FBN3: variants seen among roughly 807,000 people sequenced by gnomAD.
The protein encoded by FBN3 is fibrillin 3, also known as fibrillin-3.
In FBN3, 234 loss-of-function variants were observed where a neutral mutation model predicts 330.1. That is an observed-to-expected ratio of 0.71 (90% CI 0.64 to 0.79). The LOEUF (loss-of-function observed/expected upper bound fraction) is 0.79. Ranked by LOEUF, FBN3 falls within the 30% of genes least tolerant of loss-of-function variation. The pLI is 0.00. For missense variants in FBN3, 3,606 were observed against 3,886.9 expected, an observed-to-expected ratio of 0.93 and a Z score of 1.92; for synonymous variants, 1,458 against 1,517.3, an observed-to-expected ratio of 0.96 and a Z score of 0.91.
intron 47 of FBN3, among the ~76,000 whole-genome samples, chr19:8,092,247 AC>A (rs2082113277): frequency 1.3e-5 from 2 of 152,010 alleles, no homozygotes; most frequent in South Asian, 4.1e-4. Flanking sequence ...CTGGGTATCT[AC>A]CCAAAGGAAA....
Position 8,126,687 on chromosome 19 carries a change from C to T in FBN3, c.2416+26G>A, listed in dbSNP as rs28574675. ...ACCCATAGACGCCCAGCCTCTGGAA[C>T]GCCGTCGGGCTCCGGGGCCGCTCAC... is the stretch of plus-strand genomic sequence containing the variant. On this transcript the variant is annotated intron_variant, in intron 19 of 63. Transcript: ENST00000600128. 22,145 of 1,581,560 alleles carry T rather than the reference C, an allele frequency of 0.014. 1,742 individuals carry two copies. The African/African-American group carries it at 0.21, about 15-fold the overall frequency.
At chr19:8,081,334 G>T (rs369858743) in intron 58 of FBN3, 24 bp downstream of exon 58, 5 of 1,581,588 alleles carry the variant, frequency 3.2e-6, no homozygotes, top group South Asian at 1.2e-5. Context: ...TGGTGGGAGT[G>T]GGGGAGAGTT....
At chr19:8,119,973 A>G (rs1281734859) in intron 25 of FBN3, among the ~76,000 whole-genome samples, 1 of 150,968 alleles carries the variant, frequency 6.6e-6, no homozygotes, top group East Asian at 1.9e-4. Flanking sequence ...GGCAGGCACC[A>G]CCATGCCCGG....
chr19:8,109,318 C>G lies in FBN3; in HGVS notation c.4527G>C (p.Glu1509Asp). The change falls in exon 36 of 64, where the codon GAG becomes GAC. Residue 1509 changes from glutamate (E) to aspartate (D), a missense_variant. Transcript: ENST00000600128. The surrounding 1 kb of genome is among the most constrained non-coding windows in gnomAD (Gnocchi z 5.2). Reference protein sequence around the residue: ...RGDSGISCSAEIGVGVTRASC... With the variant: ...RGDSGISCSADIGVGVTRASC... ...AAGCTCGGGTGACACCAACTCCGAT[C>G]TCGGCACTGCAGGAAATGCCACTGT... 1 of 1,614,236 alleles carries G rather than the reference C, an allele frequency of 6.2e-7. No individual in the cohort carries two copies. The highest frequency in any genetic ancestry group is 8.5e-7 in the Non-Finnish European group (1 of 1,180,050).
rs777134609 is a variant in FBN3 at position 8,146,124 on chromosome 19, C to T, written c.349+3G>A. On this transcript the variant is annotated splice_donor_region_variant and intron_variant, in intron 4 of 63. Transcript: ENST00000600128. ...CTCCCGCAAGAGGCCGCTTCCCGCT[C>T]ACCTCGGCTCACCCCGCAGCTGGGA... is the stretch of plus-strand genomic sequence containing the variant. 6.3e-7 allele frequency: 1 copy of T among 1,585,676 alleles called. No individual in the cohort carries two copies.
At position 8,108,189 on chromosome 19, in the gene FBN3, G is replaced by T; in HGVS notation, c.4668C>A (p.Arg1556=). 1 of 1,612,734 alleles carries T rather than the reference G, an allele frequency of 6.2e-7. No homozygotes were observed. Among genetic ancestry groups the T allele is most frequent in the Non-Finnish European group, 8.5e-7 (1 of 1,179,550 alleles). The part of the protein sequence containing the change: ...CPGGEGFQPN[R]ITVILEDIDE... ...ACTCACCTTCCAGAATGACAGTGAT[G>T]CGGTTAGGCTGGAAGCCCTCACCAC... The change falls in exon 37 of 64, where the codon CGC becomes CGA. Residue 1556 remains arginine (R), a synonymous_variant. Transcript: ENST00000600128.
Position 8,135,011 on chromosome 19 carries a change from G to C in FBN3, c.1591+950C>G, listed in dbSNP as rs115074138. On this transcript the variant is annotated intron_variant, in intron 13 of 63. Transcript: ENST00000600128. Reference sequence around the variant, plus strand: ...ATATATTTTTTGAAACAAGGTCTAGGTCTGTCACCTAGGCTAGAGTGCAGT... The same window carrying C: ...ATATATTTTTTGAAACAAGGTCTAGCTCTGTCACCTAGGCTAGAGTGCAGT... Among the ~76,000 whole-genome samples, 1,086 of 150,342 alleles carry C rather than the reference G, an allele frequency of 7.2e-3. 12 individuals are homozygous for C. Among genetic ancestry groups the C allele is most frequent in the African/African-American group, 0.025 (1,031 of 40,986 alleles).
intron 10 of FBN3, 89 bp from the exon 11 acceptor site, chr19:8,136,620 C>G: frequency 1.3e-6 from 2 of 1,549,064 alleles, no homozygotes; most frequent in Non-Finnish European, 1.8e-6. Flanking sequence ...GCCCAGATAC[C>G]CCCTCTAAGG....
At chr19:8,111,616 G>A in intron 32 of FBN3, 32 bp downstream of exon 32, 3 of 1,462,350 alleles carry the variant, frequency 2.1e-6, no homozygotes, top group Non-Finnish European at 2.8e-6. Context: ...TGTCCCTCTA[G>A]GGCCCCTGCC....
chr19:8,097,169 A>T (rs1419830623), intron 42 of FBN3, 120 bp downstream of exon 42: 6 of 1,466,330 alleles, frequency 4.1e-6, no homozygotes, highest in Non-Finnish European at 5.5e-6. Flanking sequence ...GAAAGGTGTT[A>T]GCCCATTATA....
chr19:8,080,579 A>T (rs1471115970), intron 59 of FBN3, among the ~76,000 whole-genome samples: 1 of 152,118 alleles, frequency 6.6e-6, no homozygotes, highest in Non-Finnish European at 1.5e-5. Flanking sequence ...CTTTGTTCTG[A>T]TCACCCCCAT....
intron 8 of FBN3, among the ~76,000 whole-genome samples, chr19:8,139,728 C>T (rs2083369930): frequency 1.3e-5 from 2 of 152,020 alleles, no homozygotes; most frequent in Admixed American, 6.6e-5. Context: ...TCCCACTGCG[C>T]CCTCAAGGTC....
chr19:8,106,565 G>A (rs914185166), intron 37 of FBN3, among the ~76,000 whole-genome samples: 3 of 152,230 alleles, frequency 2.0e-5, no homozygotes, highest in African/African-American at 7.2e-5. Flanking sequence ...AAGGATGGAT[G>A]GGAGGATGGA....
intron 10 of FBN3, among the ~76,000 whole-genome samples, chr19:8,137,238 G>A (rs1314601296): frequency 6.7e-6 from 1 of 149,428 alleles, no homozygotes; most frequent in African/African-American, 2.5e-5. Flanking sequence ...CTGGGGCTTA[G>A]ATCCCACCAA....
rs2083134939 is a variant in FBN3 at position 8,131,089 on chromosome 19, A to AATC, written c.2044+143_2044+145dup. ...CCTCTGGCCTGCAGGAGTGTGAGAG[A>AATC]ATCAGCTTCTGTTGTTGAAGCCGTC... On this transcript the variant is annotated intron_variant, in intron 16 of 63. Coordinates refer to ENST00000600128, the MANE Select transcript of FBN3 (RefSeq NM_032447.5). The surrounding 1 kb of genome is among the most constrained non-coding windows in gnomAD (Gnocchi z 4.5). The AATC allele has an allele frequency of 1.5e-6, 1 of 675,356 alleles. No homozygotes were observed. The highest frequency in any genetic ancestry group is 2.5e-6 in the Non-Finnish European group (1 of 399,216). 41.8% of individuals were successfully genotyped at this position (675,356 alleles called of 1,614,324 possible). A position where few individuals can be genotyped will look rare whatever the true frequency, so the allele number is the denominator to read the frequency against.
intron 47 of FBN3, among the ~76,000 whole-genome samples, chr19:8,093,405 C>T (rs1322799302): frequency 5.3e-5 from 8 of 152,040 alleles, no homozygotes; most frequent in Non-Finnish European, 7.4e-5. Context: ...GGGCAGATCA[C>T]GAGGTCAGGA....
In FBN3 at chr19:8,138,458, G is replaced by T. The variant is rs1364227040; in HGVS notation, c.972C>A (p.Cys324Ter). The T allele has an allele frequency of 6.2e-7, 1 of 1,613,222 alleles. No individual in the cohort carries two copies. The highest frequency in any genetic ancestry group is 1.3e-5 in the African/African-American group (1 of 74,940). ...RRQCCCDRGR[C>*]WAAGPVPELC... ...GCTCAGGGACCGGGCCAGCTGCCCA[G>T]CACCTGCCCCTGTCACAGCAGCACT... The change falls in exon 9 of 64, where the codon TGC (cysteine) becomes TGA (stop). Residue 324 changes from cysteine (C) to a stop codon, truncating the protein, a stop_gained. Transcript: ENST00000600128. LOFTEE classifies it high-confidence loss of function.
At chr19:8,123,626 C>G in intron 23 of FBN3, 37 bp from the exon 24 acceptor site, 3 of 1,611,578 alleles carry the variant, frequency 1.9e-6, no homozygotes, top group Non-Finnish European at 2.5e-6. Context: ...CTGACGTCCC[C>G]AAGCTCAGGA....
intron 14 of FBN3, 104 bp downstream of exon 14, chr19:8,132,880 C>T: frequency 7.8e-7 from 1 of 1,288,406 alleles, no homozygotes; most frequent in South Asian, 1.6e-5. Flanking sequence ...CTCCTTCTCT[C>T]ATGCTCGTCC....
Sources: gnomAD v4.1 joint callset for allele counts (sites outside exome capture counted in the v4.1 genomes callset) on GRCh38, gnomAD v4.1.1 for gene constraint, Gnocchi (gnomAD v3.1) non-coding constraint, MANE v1.5 for transcripts, NCBI Gene and HGNC (gene_info 2026-07-23, HGNC 2026-07-21) for gene names.